TMEM178B: variants seen among roughly 807,000 people sequenced by gnomAD.
TMEM178B encodes transmembrane protein 178B.
TMEM178B carries 5 observed loss-of-function variants against 31.0 expected under a neutral mutation model. The ratio of observed to expected loss-of-function variants is 0.16; its 90% CI spans 0.08 to 0.34. The LOEUF is 0.34. Among genes scored for constraint, TMEM178B ranks in the 10% least tolerant of loss-of-function variants. The pLI, the probability that TMEM178B is intolerant of heterozygous loss-of-function variation, is 1.00. For synonymous variants in TMEM178B, 164 were observed against 164.0 expected (o/e 1.00, Z 0.00); for missense variants, 275 against 400.3 (o/e 0.69, Z 2.67).
intron 2 of TMEM178B, among the ~76,000 whole-genome samples, chr7:141,408,388 A>G (rs1800923446): frequency 6.6e-6 from 1 of 152,190 alleles, no homozygotes; most frequent in Admixed American, 6.5e-5. Context: ...GTACGTCTCA[A>G]TCCAGAGAGT....
At chr7:141,139,903 T>C (rs554055698) in intron 1 of TMEM178B, among the ~76,000 whole-genome samples, 27 of 151,982 alleles carry the variant, frequency 1.8e-4, no homozygotes, top group African/African-American at 6.5e-4. Flanking sequence ...GTAGCTGGGA[T>C]TACAGGTGGC....
chr7:141,415,393 A>G (rs1801077728), intron 2 of TMEM178B: 1 of 152,856 alleles, frequency 6.5e-6, no homozygotes. Flanking sequence ...CATGTAAACT[A>G]TCTCATTTTA....
At chr7:141,241,341 C>CA (rs1290348708) in intron 2 of TMEM178B, among the ~76,000 whole-genome samples, 1 of 151,940 alleles carries the variant, frequency 6.6e-6, no homozygotes, top group Non-Finnish European at 1.5e-5. Context: ...CCTGTAATCC[C>CA]AGCACTTTGG....
chr7:141,239,581 G>C (rs912960032), intron 2 of TMEM178B, among the ~76,000 whole-genome samples: 1 of 152,166 alleles, frequency 6.6e-6, no homozygotes, highest in Non-Finnish European at 1.5e-5. Flanking sequence ...CTCAGCAGGG[G>C]GATGACTAGA....
At chr7:141,256,028 TTCCA>T (rs1231470961) in intron 2 of TMEM178B, among the ~76,000 whole-genome samples, 1 of 150,862 alleles carries the variant, frequency 6.6e-6, no homozygotes, top group East Asian at 2.0e-4. Flanking sequence ...CCCTCCATCC[TTCCA>T]TCTGTCTGTC....
At chr7:141,420,973 A>G (rs1801198747) in intron 2 of TMEM178B, among the ~76,000 whole-genome samples, 1 of 152,190 alleles carries the variant, frequency 6.6e-6, no homozygotes, top group Admixed American at 6.5e-5. Context: ...GTCAGAAATT[A>G]GACAGGTAAA....
intron 1 of TMEM178B, among the ~76,000 whole-genome samples, chr7:141,182,521 T>C (rs1449172343): frequency 6.6e-6 from 1 of 152,172 alleles, no homozygotes; most frequent in Non-Finnish European, 1.5e-5. Flanking sequence ...TAGGGCACAG[T>C]CCATCTGGAA....
At chr7:141,321,981 G>C (rs936546082) in intron 2 of TMEM178B, among the ~76,000 whole-genome samples, 4 of 137,118 alleles carry the variant, frequency 2.9e-5, no homozygotes, top group African/African-American at 1.3e-4. Context: ...CGTATATTTT[G>C]TGGAGCTCCT....
the TMEM178B span, among the ~76,000 whole-genome samples, chr7:141,494,121 T>C: frequency 6.6e-6 from 1 of 152,248 alleles, no homozygotes; most frequent in African/African-American, 2.4e-5. Context: ...ATTAAGATTA[T>C]GTGCCTTAAA....
intron 2 of TMEM178B, among the ~76,000 whole-genome samples, chr7:141,261,113 T>C (rs1439800514): frequency 1.3e-5 from 2 of 152,180 alleles, no homozygotes; most frequent in African/African-American, 2.4e-5. Flanking sequence ...AATCCAAAAT[T>C]AATGAATGTA....
chr7:141,436,087 AT>A (rs1345017283), intron 2 of TMEM178B, among the ~76,000 whole-genome samples: 1 of 152,138 alleles, frequency 6.6e-6, no homozygotes, highest in East Asian at 1.9e-4. Flanking sequence ...GGTGGTCTGG[AT>A]CCCTCTACAG....
intron 1 of TMEM178B, among the ~76,000 whole-genome samples, chr7:141,156,934 G>A (rs1223722171): frequency 2.0e-5 from 3 of 152,152 alleles, no homozygotes; most frequent in African/African-American, 7.2e-5. Flanking sequence ...TTGTAACCAG[G>A]GGATGTTTCA....
At chr7:141,487,879 T>C in the TMEM178B span, among the ~76,000 whole-genome samples, 2 of 152,054 alleles carry the variant, frequency 1.3e-5, no homozygotes, top group East Asian at 3.9e-4. Flanking sequence ...AGACAAACTT[T>C]TCTTGTTCTG....
intron 2 of TMEM178B, among the ~76,000 whole-genome samples, chr7:141,378,621 A>G (rs1800260365): frequency 6.6e-6 from 1 of 152,228 alleles, no homozygotes; most frequent in African/African-American, 2.4e-5. Context: ...TAAAGCCCAG[A>G]GTCCTTGTTT....
rs1028299242 is a variant in TMEM178B at position 141,476,701 on chromosome 7, C to G, written c.*5915C>G. 6.6e-6 allele frequency: 1 copy of G among 152,208 alleles called. No homozygotes were observed. The highest frequency in any genetic ancestry group is 1.5e-5 in the Non-Finnish European group (1 of 68,046). The allele number at this position is 152,208 out of a possible 1,614,324, so 9.4% of individuals were successfully genotyped here. On this transcript the variant is annotated 3_prime_UTR_variant, in exon 4 of 4. Transcript: ENST00000565468. ...TGGGTGTGATCCTGTTTGGGAAAAA[C>G]AGAATCCTAGGTTCTAAACAAGAAA...
intron 2 of TMEM178B, among the ~76,000 whole-genome samples, chr7:141,242,753 G>C (rs36060721): frequency 0.021 from 3,181 of 152,064 alleles, 45 homozygotes; most frequent in South Asian, 0.035. Flanking sequence ...ACATTGGCCA[G>C]GCTGGTCTCA....
chr7:141,481,818 T>G (rs1199921724), downstream of TMEM178B, among the ~76,000 whole-genome samples: 1 of 152,090 alleles, frequency 6.6e-6, no homozygotes, highest in African/African-American at 2.4e-5. Flanking sequence ...TCTTAAGAAG[T>G]GAGCAAGACT....
At chr7:141,324,225 G>A (rs1178996132) in intron 2 of TMEM178B, among the ~76,000 whole-genome samples, 1 of 152,010 alleles carries the variant, frequency 6.6e-6, no homozygotes, top group Non-Finnish European at 1.5e-5. Context: ...ATCATAGCCT[G>A]AAGACAGGGC....
chr7:141,394,027 T>G (rs1800593332), intron 2 of TMEM178B, among the ~76,000 whole-genome samples: 1 of 152,222 alleles, frequency 6.6e-6, no homozygotes, highest in Non-Finnish European at 1.5e-5. Context: ...CCTCTTTTTT[T>G]TTTTTTCCTC....
Sources: allele counts gnomAD v4.1 joint callset (sites outside exome capture counted in the v4.1 genomes callset), GRCh38; gene constraint gnomAD v4.1.1; transcripts MANE v1.5; gene names NCBI Gene and HGNC (gene_info 2026-07-23, HGNC 2026-07-21).